Variants in DHPS observed in about 807,000 individuals in gnomAD.
The protein encoded by DHPS is migration-inducing gene 13.
In DHPS, 24 loss-of-function variants were observed where a neutral mutation model predicts 38.7. The ratio of observed to expected loss-of-function variants is 0.62; its 90% confidence interval spans 0.45 to 0.87. The LOEUF (loss-of-function observed/expected upper bound fraction) is 0.87, where lower values mean the gene tolerates loss of function less well. Among genes scored for constraint, DHPS ranks in the 40% least tolerant of loss-of-function variants. The pLI is 0.00. For synonymous variants in DHPS, 250 were observed against 204.4 expected (o/e 1.22, Z -1.90); for missense variants, 510 against 497.6 (o/e 1.02, Z -0.24).
chr19:12,676,379 G>A lies in DHPS; in HGVS notation c.889-237C>T, dbSNP rs2024589419. The A allele has an allele frequency of 4.0e-5, 21 of 525,984 alleles. No homozygotes were observed. The South Asian group carries it at 5.0e-4, about 12-fold the overall frequency. 32.6% of individuals were successfully genotyped at this position (525,984 alleles called of 1,614,324 possible). On this transcript the variant is annotated intron_variant, in intron 7 of 8. Transcript: ENST00000210060. ...AGGTGTCAACAACCCTGCCCCATCT[G>A]CAAGGCAGGAGCTGCCAGCAACTCT...
At chr19:12,677,807 G>A (rs1280418349) in intron 5 of DHPS, among the ~76,000 whole-genome samples, 3 of 151,796 alleles carry the variant, frequency 2.0e-5, no homozygotes, top group Non-Finnish European at 4.4e-5. Context: ...AGCTAATTTT[G>A]CATTTTGTTT....
rs531456370 is a variant in DHPS, at chr19:12,681,799, C to T, written c.-33G>A. On this transcript the variant is annotated 5_prime_UTR_variant, in exon 1 of 9. Transcript: ENST00000210060. ...TAGCCGGCTCTCGAGTCAAAGCTGC[C>T]CCTAGGCCGGGCTTACGGCGGCCCA... The T allele has an allele frequency of 2.5e-6, 4 of 1,587,206 alleles. No homozygotes were observed. The highest frequency in any genetic ancestry group is 2.7e-5 in the African/African-American group (2 of 74,626).
At chr19:12,680,430 G>GGGCCT in intron 1 of DHPS, 105 bp from the exon 2 acceptor site, 2 of 1,238,866 alleles carry the variant, frequency 1.6e-6, no homozygotes, top group Non-Finnish European at 2.3e-6. Context: ...TGCACATTCA[G>GGGCCT]GGATACAGGA....
At chr19:12,676,946 C>A (rs762048777) in intron 7 of DHPS, 162 bp downstream of exon 7, 1 of 651,928 alleles carries the variant, frequency 1.5e-6, no homozygotes, top group Non-Finnish European at 2.7e-6. Context: ...AATGACTGCC[C>A]CCTGACGTGG....
chr19:12,673,050 C>T (rs754063965), downstream of DHPS: 2 of 1,613,712 alleles, frequency 1.2e-6, no homozygotes, highest in South Asian at 2.2e-5. Context: ...GGGCAGTGCA[C>T]CCTGGTGTCC....
In DHPS at chr19:12,679,674, C is replaced by G. The variant is rs759428923; in HGVS notation, c.540G>C (p.Glu180Asp). The G allele has an allele frequency of 8.7e-6, 14 of 1,614,072 alleles. No homozygotes were observed. Among genetic ancestry groups the G allele is most frequent in the Admixed American group, 3.3e-5 (2 of 60,002 alleles). ...LVPNENYCKFEDWLMPILDQM... is the reference protein window; with the variant it reads ...LVPNENYCKFDDWLMPILDQM... ...GGTCCAGAATGGGCATCAGCCAGTC[C>G]TCAAACTTGCAGTAATTCTCATTGG... is the stretch of plus-strand genomic sequence containing the variant. Residue 180 changes from glutamate to aspartate, a missense_variant, in exon 4 of 9, where the codon GAG (glutamate) becomes GAC (aspartate). Physicochemically the swap from Glu to Asp is conservative, Grantham distance 45 (BLOSUM62 2). Coordinates refer to ENST00000210060, the MANE Select transcript of DHPS (RefSeq NM_001930.4).
downstream of DHPS, chr19:12,673,345 C>G (rs1217844115): frequency 1.3e-6 from 2 of 1,571,892 alleles, no homozygotes. Flanking sequence ...TACTTCATAC[C>G]TAGATGCCTG....
Position 12,681,867 on chromosome 19 carries a change from A to C in DHPS, c.-101T>G. 1 of 1,046,942 alleles carries C rather than the reference A, an allele frequency of 9.6e-7. No homozygotes were observed. Among genetic ancestry groups the C allele is most frequent in the South Asian group, 1.4e-5 (1 of 71,268 alleles). The allele number at this position is 1,046,942 out of a possible 1,614,324, so 64.9% of individuals were successfully genotyped here. On this transcript the variant is annotated 5_prime_UTR_variant, in exon 1 of 9. Transcript: ENST00000210060. ...GACGCGCGCGTCTCCGCAAGAGCAC[A>C]GGAAGTAGGGAACGTGCTTTGGGCG... is the stretch of plus-strand genomic sequence containing the variant.
chr19:12,672,967 G>A, downstream of DHPS: 1 of 1,597,934 alleles, frequency 6.3e-7, no homozygotes, highest in Non-Finnish European at 8.5e-7. Flanking sequence ...GGCCAACCAG[G>A]GGCACCCCAC....
Position 12,681,641 on chromosome 19 carries a change from G to A in DHPS, c.126C>T (p.Tyr42=). 7.4e-6 allele frequency: 12 copies of A among 1,614,234 alleles called. No individual in the cohort carries two copies. Among genetic ancestry groups the A allele is most frequent in the Non-Finnish European group, 8.5e-6 (10 of 1,180,036 alleles). The change falls in exon 1 of 9, where the codon TAC becomes TAT. Residue 42 remains tyrosine, a synonymous_variant. Transcript: ENST00000210060. ...TGCCGAAGGCCTCCAGCAGTGCGCG[G>A]TAATTCACACCGCGGTTGAAGTCGT... ...RGYDFNRGVN[Y]RALLEAFGTT... is the part of the protein sequence containing the mutation.
chr19:12,677,828 G>T (rs1170092061), intron 5 of DHPS, among the ~76,000 whole-genome samples: 1 of 151,862 alleles, frequency 6.6e-6, no homozygotes, highest in East Asian at 2.0e-4. Context: ...TTTTAGTAGA[G>T]ACAGGGTTCC....
At chr19:12,673,039 T>A, downstream of DHPS, 1 of 1,613,748 alleles carries the variant, frequency 6.2e-7, no homozygotes, top group Non-Finnish European at 8.5e-7. Flanking sequence ...TCAGCCGGGA[T>A]GGGCAGTGCA....
chr19:12,673,324 GC>G, downstream of DHPS: 2 of 1,607,308 alleles, frequency 1.2e-6, no homozygotes, highest in Non-Finnish European at 1.7e-6. Context: ...GAGGTGAGGT[GC>G]CCCCAGCCCT....
rs745590908 is a variant in DHPS at position 12,678,802 on chromosome 19, CT to C, written c.678+654del. ...AAAAAAAAAAAAAAAGACTATGTAG[CT>C]TTTTTTTTTTTTTTTTCAGGTTCTG... On this transcript the variant is annotated intron_variant, in intron 5 of 8. Transcript: ENST00000210060. Among the ~76,000 whole-genome samples, 362 of 106,912 alleles carry C rather than the reference CT, an allele frequency of 3.4e-3. 1 individual carries two copies. The highest frequency in any genetic ancestry group is 5.6e-3 in the South Asian group (17 of 3,014). The allele number at this position is 106,912 out of a possible 152,430, so 70.1% of individuals were successfully genotyped here. A position where few individuals can be genotyped will look rare whatever the true frequency, so the allele number is the denominator to read the frequency against.
chr19:12,675,530 T>A, downstream of DHPS: 1 of 1,604,774 alleles, frequency 6.2e-7, no homozygotes, highest in Non-Finnish European at 8.5e-7. Flanking sequence ...CAGGGTGCGC[T>A]GGCTCTGGCC....
At chr19:12,681,208 A>G in intron 1 of DHPS, 1 of 1,229,404 alleles carries the variant, frequency 8.1e-7, no homozygotes, top group East Asian at 5.7e-5. Flanking sequence ...AGCAAATCTA[A>G]ATTCAAGAAC....
chr19:12,673,995 C>T (rs1311123883), downstream of DHPS, among the ~76,000 whole-genome samples: 2 of 152,182 alleles, frequency 1.3e-5, no homozygotes, highest in African/African-American at 4.8e-5. Context: ...ACACCGTGCC[C>T]AGCTTGGGCT....
At chr19:12,680,133 C>T (rs753055463) in intron 2 of DHPS, 28 bp downstream of exon 2, 1 of 1,612,186 alleles carries the variant, frequency 6.2e-7, no homozygotes, top group Non-Finnish European at 8.5e-7. Context: ...ACCCAGAGGC[C>T]AAGGCCACGG....
chr19:12,673,118 T>A, downstream of DHPS: 1 of 1,612,302 alleles, frequency 6.2e-7, no homozygotes, highest in East Asian at 2.2e-5. Flanking sequence ...GCTGGGCGAG[T>A]GAGTCCTTGT....
Sources: gnomAD v4.1 joint callset for allele counts (sites outside exome capture counted in the v4.1 genomes callset) on GRCh38, gnomAD v4.1.1 for gene constraint, MANE v1.5 for transcripts, NCBI Gene and HGNC (gene_info 2026-07-23, HGNC 2026-07-21) for gene names.